Variants in NRG3 observed in about 807,000 individuals in gnomAD.
The protein encoded by NRG3 is pro-neuregulin-3, membrane-bound isoform.
A neutral mutation model predicts 66.9 loss-of-function variants in NRG3; 31 were observed. The ratio of observed to expected loss-of-function variants is 0.46; its 90% CI spans 0.35 to 0.63. The LOEUF (loss-of-function observed/expected upper bound fraction) is 0.63, where lower values mean the gene tolerates loss of function less well. Ranked by LOEUF, NRG3 falls within the 20% of genes least tolerant of loss-of-function variation. The probability of loss-of-function intolerance (pLI) is 0.00; values close to 1 mark genes in which losing one functional copy is unlikely to be tolerated. For missense variants in NRG3, 910 were observed against 878.9 expected, an observed-to-expected ratio of 1.04 and a Z score of -0.45; for synonymous variants, 393 against 359.4, an observed-to-expected ratio of 1.09 and a Z score of -1.06.
intron 1 of NRG3, among the ~76,000 whole-genome samples, chr10:82,175,034 A>G (rs1197761679): frequency 1.3e-5 from 2 of 152,122 alleles, no homozygotes; most frequent in Middle Eastern, 3.2e-3. Context: ...CCAGTCATCC[A>G]AGTTAGAATC....
At chr10:82,412,197 A>C (rs1269279112) in intron 2 of NRG3, among the ~76,000 whole-genome samples, 2 of 152,200 alleles carry the variant, frequency 1.3e-5, no homozygotes, top group Non-Finnish European at 2.9e-5. Flanking sequence ...AAATAATGAC[A>C]GGGAATTGTT....
intron 5 of NRG3, among the ~76,000 whole-genome samples, chr10:82,953,378 T>A (rs905850668): frequency 6.6e-6 from 1 of 152,036 alleles, no homozygotes; most frequent in Non-Finnish European, 1.5e-5. Context: ...TCACATGCTC[T>A]AAACCTCTAT....
At chr10:82,600,841 A>G (rs1305627042) in intron 2 of NRG3, among the ~76,000 whole-genome samples, 1 of 151,894 alleles carries the variant, frequency 6.6e-6, no homozygotes, top group African/African-American at 2.4e-5. Flanking sequence ...TTATCACAAG[A>G]GTATAATTGT....
At chr10:82,090,832 T>C (rs1395189090) in intron 1 of NRG3, among the ~76,000 whole-genome samples, 1 of 152,178 alleles carries the variant, frequency 6.6e-6, no homozygotes, top group Non-Finnish European at 1.5e-5. Flanking sequence ...AGAGTGTATC[T>C]AAGGGCTTAA....
chr10:82,394,284 C>A (rs777852076), intron 2 of NRG3, among the ~76,000 whole-genome samples: 1 of 152,204 alleles, frequency 6.6e-6, no homozygotes, highest in African/African-American at 2.4e-5. Context: ...CAAAGCAGGA[C>A]TACGATGAGC....
At position 82,985,293 on chromosome 10, in the gene NRG3, T is replaced by C. The variant is rs768186755; in HGVS notation, c.1779T>C (p.Ser593=). The C allele has an allele frequency of 2.5e-6, 4 of 1,614,178 alleles. No individual in the cohort carries two copies. Among genetic ancestry groups the C allele is most frequent in the Non-Finnish European group, 3.4e-6 (4 of 1,180,018 alleles). ...CCTGCCTGCAAATGCCAGGGATTTC[T>C]GAAGTCAAAAGCATCAAATGGTGCA... ...EETCLQMPGI[S]EVKSIKWCKN... The change falls in exon 9 of 9, where the codon TCT becomes TCC. Residue 593 remains serine (S), a synonymous_variant. Coordinates refer to ENST00000372141, the MANE Select transcript of NRG3 (RefSeq NM_001010848.4).
At chr10:82,309,768 C>G (rs7907222) in intron 1 of NRG3, among the ~76,000 whole-genome samples, 3 of 151,972 alleles carry the variant, frequency 2.0e-5, no homozygotes, top group African/African-American at 7.3e-5. Context: ...ATCACAGTGT[C>G]GGGGAGGTAA....
Position 81,884,053 on chromosome 10 carries a change from A to G in NRG3, c.823+7890A>G, listed in dbSNP as rs137916317. Among the ~76,000 whole-genome samples, 590 of 152,270 alleles carry G rather than the reference A, an allele frequency of 3.9e-3. 3 individuals are homozygous for G. The highest frequency in any genetic ancestry group is 6.9e-3 in the Non-Finnish European group (466 of 68,010). ...CCTGCAGCCTAGGTTTGATTATCTC[A>G]CTGATAGAGTTAATCAAGCTGGGCT... On this transcript the variant is annotated intron_variant, in intron 1 of 8. Coordinates refer to ENST00000372141, the MANE Select transcript of NRG3 (RefSeq NM_001010848.4).
intron 4 of NRG3, among the ~76,000 whole-genome samples, chr10:82,939,975 T>C (rs980868154): frequency 3.3e-5 from 5 of 151,854 alleles, no homozygotes; most frequent in African/African-American, 1.2e-4. Context: ...GCTTTTGTAG[T>C]GAGGCCCTAG....
intron 2 of NRG3, among the ~76,000 whole-genome samples, chr10:82,633,890 G>T (rs1305447516): frequency 1.3e-5 from 2 of 152,122 alleles, no homozygotes; most frequent in Non-Finnish European, 2.9e-5. Flanking sequence ...GGTAAGTGTT[G>T]TGTGTCCTTA....
chr10:82,337,229 C>G (rs917968181), intron 1 of NRG3, among the ~76,000 whole-genome samples: 2 of 152,178 alleles, frequency 1.3e-5, no homozygotes, highest in African/African-American at 4.8e-5. Context: ...TTTGCCTATT[C>G]TGGACATTTC....
At chr10:82,475,576 A>C (rs1247613387) in intron 2 of NRG3, among the ~76,000 whole-genome samples, 5 of 152,204 alleles carry the variant, frequency 3.3e-5, no homozygotes, top group Non-Finnish European at 7.4e-5. Context: ...CAAAGATACC[A>C]AAACCATTAA....
intron 3 of NRG3, among the ~76,000 whole-genome samples, chr10:82,749,418 T>C (rs2058771172): frequency 6.6e-6 from 1 of 151,982 alleles, no homozygotes; most frequent in South Asian, 2.1e-4. Flanking sequence ...AATGCCTAAG[T>C]TTCACCACTC....
chr10:82,496,806 G>T (rs946995791), intron 2 of NRG3, among the ~76,000 whole-genome samples: 1 of 151,952 alleles, frequency 6.6e-6, no homozygotes, highest in Non-Finnish European at 1.5e-5. Context: ...CTTTATTTTA[G>T]ATTACATTCT....
intron 2 of NRG3, among the ~76,000 whole-genome samples, chr10:82,552,030 G>A (rs1344164167): frequency 6.6e-6 from 1 of 152,028 alleles, no homozygotes; most frequent in African/African-American, 2.4e-5. Context: ...ATTCGAGATT[G>A]CAGTCTCTCT....
At chr10:82,733,886 CAGATGAGAATTGCAG>C (rs2058036217) in intron 2 of NRG3, among the ~76,000 whole-genome samples, 1 of 152,170 alleles carries the variant, frequency 6.6e-6, no homozygotes, top group Admixed American at 6.5e-5. Context: ...AAGACACTGG[CAGATGAGAATTGCAG>C]AGATGGGAAT....
chr10:82,801,485 C>A (rs965606151), intron 3 of NRG3, among the ~76,000 whole-genome samples: 3 of 152,124 alleles, frequency 2.0e-5, no homozygotes, highest in Non-Finnish European at 4.4e-5. Flanking sequence ...GATTGCCAAG[C>A]CCTCCAACAA....
chr10:82,405,754 C>T (rs1368617062), intron 2 of NRG3, among the ~76,000 whole-genome samples: 1 of 152,196 alleles, frequency 6.6e-6, no homozygotes, highest in African/African-American at 2.4e-5. Flanking sequence ...AGGCGTGAGC[C>T]ACAGCGCCTA....
At chr10:82,943,223 T>A (rs929798819) in intron 4 of NRG3, among the ~76,000 whole-genome samples, 4 of 152,236 alleles carry the variant, frequency 2.6e-5, no homozygotes, top group African/African-American at 9.6e-5. Context: ...ATGTGTTTAA[T>A]CCCTAAACAT....
Sources: gnomAD v4.1 joint callset for allele counts (sites outside exome capture counted in the v4.1 genomes callset) on GRCh38, gnomAD v4.1.1 for gene constraint, MANE v1.5 for transcripts, NCBI Gene and HGNC (gene_info 2026-07-23, HGNC 2026-07-21) for gene names.